The following DNAH11 variants were observed in gnomAD, a reference collection of about 807,000 sequenced individuals.
DNAH11 encodes the protein dynein axonemal heavy chain 11.
A neutral mutation model predicts 526.0 loss-of-function variants in DNAH11; 442 were observed. The observed-to-expected ratio is 0.84, with a 90% CI of 0.78 to 0.91. DNAH11 has a LOEUF of 0.91. Among genes scored for constraint, DNAH11 ranks in the 40% least tolerant of loss-of-function variants. The pLI is 0.00. For synonymous variants in DNAH11, 2,461 were observed against 1,935.9 expected (o/e 1.27, Z -7.12); for missense variants, 6,989 against 5,448.7 (o/e 1.28, Z -8.90).
chr7:21,585,481 T>C (rs1784451501), intron 9 of DNAH11, among the ~76,000 whole-genome samples: 1 of 152,218 alleles, frequency 6.6e-6, no homozygotes, highest in South Asian at 2.1e-4. Flanking sequence ...TACCTGCTAT[T>C]GTCACAGACA....
intron 45 of DNAH11, among the ~76,000 whole-genome samples, chr7:21,727,430 C>G (rs1785174550): frequency 6.6e-6 from 1 of 152,178 alleles, no homozygotes; most frequent in Non-Finnish European, 1.5e-5. Flanking sequence ...CTTATACCCT[C>G]CAGCTATCAA....
At chr7:21,863,412 T>C (rs1171920229) in intron 69 of DNAH11, among the ~76,000 whole-genome samples, 1 of 152,066 alleles carries the variant, frequency 6.6e-6, no homozygotes, top group Non-Finnish European at 1.5e-5. Context: ...ACTACACCAT[T>C]TGCCTCCCAG....
rs757422685 is a variant in DNAH11 at position 21,861,978 on chromosome 7, G to A, written c.11328G>A (p.Leu3776=). The A allele has an allele frequency of 1.2e-6, 2 of 1,613,584 alleles. No individual in the cohort carries two copies. The highest frequency in any genetic ancestry group is 1.7e-6 in the Non-Finnish European group (2 of 1,179,702). Residue 3776 remains leucine (L), a synonymous_variant, in exon 69 of 82, where the codon CTG becomes CTA. Coordinates refer to ENST00000409508, the MANE Select transcript of DNAH11 (RefSeq NM_001277115.2). ...TCTTCCTCTACACCAGCCAGGCGCT[G>A]TTTGAGAAGGACAAGCTCACCTTCC... ...HAVFLYTSQA[L]FEKDKLTFLS...
intron 45 of DNAH11, among the ~76,000 whole-genome samples, chr7:21,733,200 A>C (rs1251009191): frequency 6.6e-6 from 1 of 152,242 alleles, no homozygotes; most frequent in Non-Finnish European, 1.5e-5. Context: ...CAGCCTAGCC[A>C]ACATTGTGAA....
At position 21,545,145 on chromosome 7, in the gene DNAH11, A is replaced by G. The variant is rs1342908676; in HGVS notation, c.491A>G (p.Asp164Gly). The change falls in exon 2 of 82, where the codon GAT (aspartate) becomes GGT (glycine). Residue 164 changes from aspartate (D) to glycine (G), a missense_variant. Coordinates refer to ENST00000409508, the MANE Select transcript of DNAH11 (RefSeq NM_001277115.2). Reference sequence around the variant, plus strand: ...CTTGGACATGTATCTGCTTTCCTTGATGAGGTACTGGTCTGTCTTTAATAT... The same window carrying G: ...CTTGGACATGTATCTGCTTTCCTTGGTGAGGTACTGGTCTGTCTTTAATAT... ...LSLGHVSAFLDEILVPVLSNK... is the reference protein window; with the variant it reads ...LSLGHVSAFLGEILVPVLSNK... 3.1e-6 allele frequency: 5 copies of G among 1,608,862 alleles called. No homozygotes were observed. Among genetic ancestry groups the G allele is most frequent in the Non-Finnish European group, 3.4e-6 (4 of 1,177,392 alleles).
In DNAH11 at chr7:21,639,083, A is replaced by C. The variant is rs1443612024; in HGVS notation, c.4944+18A>C. 2 of 1,605,518 alleles carry C rather than the reference A, an allele frequency of 1.2e-6. No homozygotes were observed. The highest frequency in any genetic ancestry group is 1.7e-6 in the Non-Finnish European group (2 of 1,177,094). On this transcript the variant is annotated intron_variant, in intron 28 of 81. Coordinates refer to ENST00000409508, the MANE Select transcript of DNAH11 (RefSeq NM_001277115.2). ...CTAAACAGGTAATATTTTTTTTGAA[A>C]GTCTCGTATTATACTGTGTTAGCTG...
intron 25 of DNAH11, among the ~76,000 whole-genome samples, chr7:21,628,327 A>T (rs1583543671): frequency 1.3e-5 from 2 of 152,160 alleles, no homozygotes; most frequent in Admixed American, 1.3e-4. Flanking sequence ...CTAATACTAT[A>T]TTGAATACAA....
chr7:21,800,447 C>T (rs1788930166), intron 61 of DNAH11, among the ~76,000 whole-genome samples: 1 of 152,110 alleles, frequency 6.6e-6, no homozygotes. Flanking sequence ...GCCCGGCCAA[C>T]ATGGCGAAAC....
rs1429918445 is a variant in DNAH11 at position 21,545,296 on chromosome 7, AG to A, written c.495+148del. Reference sequence around the variant, plus strand: ...GGTTAAAAAAAAAAAAAAAAAAAAAAGCTTGTAGAAGCCAGGAGTCTCTAGC... The same window carrying A: ...GGTTAAAAAAAAAAAAAAAAAAAAAACTTGTAGAAGCCAGGAGTCTCTAGC... On this transcript the variant is annotated intron_variant, in intron 2 of 81. Coordinates refer to ENST00000409508, the MANE Select transcript of DNAH11 (RefSeq NM_001277115.2). 101 of 692,836 alleles carry A rather than the reference AG, an allele frequency of 1.5e-4. No individual in the cohort carries two copies. In the African/African-American group the frequency reaches 1.7e-3, roughly 12 times the overall value. The allele number at this position is 692,836 out of a possible 1,614,324, so 42.9% of individuals were successfully genotyped here.
intron 36 of DNAH11, among the ~76,000 whole-genome samples, chr7:21,698,928 C>G (rs1050984879): frequency 6.6e-6 from 1 of 151,912 alleles, no homozygotes; most frequent in African/African-American, 2.4e-5. Context: ...CTATAAAATT[C>G]GAAAAACTTA....
chr7:21,899,667 G>A (rs1432633360), intron 80 of DNAH11, among the ~76,000 whole-genome samples: 2 of 152,224 alleles, frequency 1.3e-5, no homozygotes, highest in African/African-American at 2.4e-5. Context: ...GAGTAGCCAA[G>A]TGAGGTGGGG....
intron 30 of DNAH11, 23 bp downstream of exon 30, chr7:21,659,054 T>G (rs1199171070): frequency 2.0e-6 from 3 of 1,530,372 alleles, no homozygotes; most frequent in African/African-American, 2.8e-5. Context: ...TTTGTGATTT[T>G]GAGACATAAA....
At chr7:21,799,736 C>T (rs1037628249) in intron 61 of DNAH11, among the ~76,000 whole-genome samples, 1 of 152,136 alleles carries the variant, frequency 6.6e-6, no homozygotes, top group Non-Finnish European at 1.5e-5. Context: ...GATGTATATA[C>T]ATATTTGTGT....
Position 21,901,335 on chromosome 7 carries a change from T to G in DNAH11, c.*81T>G. 2 of 1,450,688 alleles carry G rather than the reference T, an allele frequency of 1.4e-6. No homozygotes were observed. The highest frequency in any genetic ancestry group is 4.8e-5 in the East Asian group (2 of 41,262). The allele number at this position is 1,450,688 out of a possible 1,614,324, so 89.9% of individuals were successfully genotyped here. On this transcript the variant is annotated 3_prime_UTR_variant, in exon 82 of 82. Transcript: ENST00000409508. The stretch of plus-strand genomic sequence containing the variant: ...TGTTGCTGCACTGTTCCCATGCACA[T>G]TATTCTAACTTTTTAGTAACTCACA...
intron 74 of DNAH11, among the ~76,000 whole-genome samples, chr7:21,875,885 T>C (rs913936450): frequency 4.3e-5 from 6 of 140,408 alleles, no homozygotes; most frequent in Non-Finnish European, 9.3e-5. Context: ...TTCTTTTTTT[T>C]TTTTTTTTTT....
In DNAH11 at chr7:21,558,804, T is replaced by G; in HGVS notation, c.498T>G (p.Ile166Met). 6.4e-7 allele frequency: 1 copy of G among 1,573,178 alleles called. No individual in the cohort carries two copies. The highest frequency in any genetic ancestry group is 8.6e-7 in the Non-Finnish European group (1 of 1,164,886). The change falls in exon 3 of 82, where the codon ATT becomes ATG. Residue 166 changes from isoleucine to methionine, a missense_variant and splice_region_variant. Transcript: ENST00000409508. The part of the protein sequence containing the change: ...LGHVSAFLDE[I>M]LVPVLSNKNN... The stretch of plus-strand genomic sequence containing the variant: ...TAACTATGTTTCTCTTTCTCTAGAT[T>G]TTAGTGCCAGTTCTTTCTAATAAGA...
chr7:21,709,637 C>G (rs1242048227), intron 40 of DNAH11, among the ~76,000 whole-genome samples: 1 of 152,140 alleles, frequency 6.6e-6, no homozygotes, highest in East Asian at 1.9e-4. Flanking sequence ...ATTCTCTATC[C>G]TCTCGTCTTG....
At chr7:21,728,193 G>C (rs1009219073) in intron 45 of DNAH11, among the ~76,000 whole-genome samples, 1 of 129,632 alleles carries the variant, frequency 7.7e-6, no homozygotes, top group Non-Finnish European at 1.6e-5. Context: ...TTCAAGTCCT[G>C]TTAACATACA....
chr7:21,543,222 C>G lies in DNAH11; in HGVS notation c.-24C>G, dbSNP rs1478835066. Reference sequence around the variant, plus strand: ...TCTCGGGTGAGGAGCCAGCCGGCCTCGCGTTCCCTCGGACGGTTGCCCAAT... The same window carrying G: ...TCTCGGGTGAGGAGCCAGCCGGCCTGGCGTTCCCTCGGACGGTTGCCCAAT... On this transcript the variant is annotated 5_prime_UTR_variant, in exon 1 of 82. Transcript: ENST00000409508. 1.3e-6 allele frequency: 2 copies of G among 1,497,266 alleles called. No individual in the cohort carries two copies. The highest frequency in any genetic ancestry group is 1.3e-5 in the South Asian group (1 of 77,738). The allele number at this position is 1,497,266 out of a possible 1,614,324, so 92.7% of individuals were successfully genotyped here. A position where few individuals can be genotyped will look rare whatever the true frequency, so the allele number is the denominator to read the frequency against.
Sources: gnomAD v4.1 joint callset for allele counts (sites outside exome capture counted in the v4.1 genomes callset) on GRCh38, gnomAD v4.1.1 for gene constraint, MANE v1.5 for transcripts, NCBI Gene and HGNC (gene_info 2026-07-23, HGNC 2026-07-21) for gene names.